The following PCLO variants were observed in gnomAD, a reference collection of about 807,000 sequenced individuals.
The protein encoded by PCLO is protein piccolo.
Under a neutral mutation model 427.5 loss-of-function variants are expected in PCLO, and 82 were observed. The ratio of observed to expected loss-of-function variants is 0.19; its 90% CI spans 0.16 to 0.23. The LOEUF (loss-of-function observed/expected upper bound fraction) is 0.23. PCLO is among the 10% of genes least tolerant of loss of function. The probability of loss-of-function intolerance (pLI) is 1.00; values close to 1 mark genes in which losing one functional copy is unlikely to be tolerated. For synonymous variants in PCLO, 2,357 were observed against 2,155.4 expected (o/e 1.09, Z -2.59); for missense variants, 6,239 against 6,115.9 (o/e 1.02, Z -0.67).
chr7:82,924,276 G>A (rs1794662408), intron 6 of PCLO, among the ~76,000 whole-genome samples: 1 of 151,982 alleles, frequency 6.6e-6, no homozygotes, highest in Admixed American at 6.6e-5. Flanking sequence ...ATAAGGATAG[G>A]AATGTACCTG....
intron 10 of PCLO, among the ~76,000 whole-genome samples, chr7:82,860,633 G>A (rs771606967): frequency 6.6e-5 from 10 of 152,020 alleles, no homozygotes; most frequent in Admixed American, 3.9e-4. Flanking sequence ...AAATTCATTG[G>A]TAATAGTATG....
chr7:82,895,972 G>A (rs1793894356), intron 9 of PCLO, among the ~76,000 whole-genome samples: 1 of 151,822 alleles, frequency 6.6e-6, no homozygotes, highest in African/African-American at 2.4e-5. Context: ...TCAGTATTAT[G>A]AGATTACTCA....
chr7:83,070,411 C>T (rs1261385351), intron 3 of PCLO, among the ~76,000 whole-genome samples: 1 of 147,904 alleles, frequency 6.8e-6, no homozygotes, highest in East Asian at 2.0e-4. Flanking sequence ...TTTTGGAGAC[C>T]AAGTCTCGCT....
rs1428772832 is a variant in PCLO at position 83,016,625 on chromosome 7, G to A, written c.3301-50138C>T. Among the ~76,000 whole-genome samples the A allele has an allele frequency of 2.0e-5, 3 of 152,118 alleles. No individual in the cohort carries two copies. In the East Asian group the frequency reaches 5.8e-4, roughly 29 times the overall value. ...AAATAGGTCTACTATAGAGAGCCCTGTATGCTAGGCTCATGAATATAGAAG... is the reference window on the plus strand; with the variant it reads ...AAATAGGTCTACTATAGAGAGCCCTATATGCTAGGCTCATGAATATAGAAG... On this transcript the variant is annotated intron_variant, in intron 3 of 24. Transcript: ENST00000333891.
rs770209848 is a variant in PCLO, at chr7:82,965,970, T to G, written c.3818A>C (p.Glu1273Ala). Reference protein sequence around the residue: ...DLLKSQVQIAEEKLEGRVAPK... With the variant: ...DLLKSQVQIAAEKLEGRVAPK... ...AGCCACTCTGCCTTCAAGCTTTTCTTCAGCAATTTGTACTTGAGATTTAAG... is the reference window on the plus strand; with the variant it reads ...AGCCACTCTGCCTTCAAGCTTTTCTGCAGCAATTTGTACTTGAGATTTAAG... Residue 1273 changes from glutamate (E) to alanine (A), a missense_variant, in exon 4 of 25, where the codon GAA (glutamate) becomes GCA (alanine). By Grantham distance (107) the Glu-to-Ala change is moderately radical (BLOSUM62 -1). Transcript: ENST00000333891. 1.7e-5 allele frequency: 27 copies of G among 1,613,790 alleles called. No homozygotes were observed. In the South Asian group the frequency reaches 3.0e-4, roughly 18 times the overall value.
intron 3 of PCLO, among the ~76,000 whole-genome samples, chr7:82,978,235 G>T (rs1353296041): frequency 6.7e-6 from 1 of 150,248 alleles, no homozygotes; most frequent in Non-Finnish European, 1.5e-5. Context: ...TCTTCACCAG[G>T]AAAGTTTTAA....
At chr7:83,047,741 C>T (rs1376409452) in intron 3 of PCLO, among the ~76,000 whole-genome samples, 2 of 152,128 alleles carry the variant, frequency 1.3e-5, no homozygotes, top group Middle Eastern at 3.4e-3. Flanking sequence ...TCACTCCTTA[C>T]AGATATGAAA....
chr7:82,812,183 G>T (rs960362367), intron 20 of PCLO, among the ~76,000 whole-genome samples: 7 of 151,352 alleles, frequency 4.6e-5, no homozygotes, highest in Non-Finnish European at 1.0e-4. Flanking sequence ...AATTCTTAAT[G>T]ACATCTTAAT....
intron 9 of PCLO, among the ~76,000 whole-genome samples, chr7:82,896,647 A>G (rs1793911250): frequency 6.6e-6 from 1 of 151,288 alleles, no homozygotes; most frequent in African/African-American, 2.4e-5. Flanking sequence ...TATGTAAGTT[A>G]TATCCAAGAA....
In PCLO at chr7:83,155,838, T is replaced by A. The variant is rs749973669; in HGVS notation, c.803A>T (p.Asp268Val). Residue 268 changes from aspartate to valine, a missense_variant, in exon 2 of 25, where the codon GAC becomes GTC. By Grantham distance (152) the Asp-to-Val change is radical (BLOSUM62 -3). Transcript: ENST00000333891. ...IQGPTQTPQTDHAKLPLQRDA... is the reference protein window; with the variant it reads ...IQGPTQTPQTVHAKLPLQRDA... ...TCGTTGAAGTGGCAATTTTGCATGG[T>A]CTGTCTGAGGAGTCTGGGTAGGACC... 2 of 1,613,942 alleles carry A rather than the reference T, an allele frequency of 1.2e-6. No homozygotes were observed.
chr7:82,896,035 C>T (rs930082523), intron 9 of PCLO, among the ~76,000 whole-genome samples: 2 of 151,950 alleles, frequency 1.3e-5, no homozygotes, highest in South Asian at 4.1e-4. Flanking sequence ...TGAATATCCA[C>T]AAACAATTAC....
chr7:82,859,475 A>G (rs1792899725), intron 10 of PCLO, among the ~76,000 whole-genome samples: 1 of 152,208 alleles, frequency 6.6e-6, no homozygotes, highest in Non-Finnish European at 1.5e-5. Flanking sequence ...TAATCCAGAG[A>G]ATTCTCCCAG....
At chr7:83,080,565 G>A (rs1256721618) in intron 3 of PCLO, among the ~76,000 whole-genome samples, 1 of 152,018 alleles carries the variant, frequency 6.6e-6, no homozygotes, top group Non-Finnish European at 1.5e-5. Context: ...TCATTTTAAA[G>A]TCCATTTCCG....
chr7:83,162,696 G>C lies in PCLO; in HGVS notation c.-104C>G. ...TCAGAGCCGGGGTCCGCCTCGGGGC[G>C]TGCAGGCAGCCGAGTCCCTGGACTC... On this transcript the variant is annotated 5_prime_UTR_variant, in exon 1 of 25. Transcript: ENST00000333891. The C allele has an allele frequency of 7.2e-7, 1 of 1,392,396 alleles. No homozygotes were observed. The allele number at this position is 1,392,396 out of a possible 1,614,324, so 86.3% of individuals were successfully genotyped here. A position where few individuals can be genotyped will look rare whatever the true frequency, so the allele number is the denominator to read the frequency against.
intron 10 of PCLO, among the ~76,000 whole-genome samples, chr7:82,857,286 G>C (rs1444112968): frequency 6.6e-6 from 1 of 152,080 alleles, no homozygotes; most frequent in Non-Finnish European, 1.5e-5. Flanking sequence ...TAGGAAGCTA[G>C]GGTAGTTGAT....
intron 22 of PCLO, among the ~76,000 whole-genome samples, chr7:82,797,639 A>C (rs973526303): frequency 1.3e-5 from 2 of 152,164 alleles, no homozygotes; most frequent in African/African-American, 4.8e-5. Flanking sequence ...AAGGATGTTA[A>C]CTGTATGCCA....
At chr7:82,923,321 G>A (rs1266532139) in intron 6 of PCLO, among the ~76,000 whole-genome samples, 2 of 151,984 alleles carry the variant, frequency 1.3e-5, no homozygotes, top group African/African-American at 4.8e-5. Context: ...CTTAATTCCT[G>A]TGAGATGGAA....
Position 83,154,856 on chromosome 7 carries a change from A to G in PCLO, c.1785T>C (p.Thr595=). ...PKTICPLCNT[T]ELLLHVPEKA... ...TTTCTGGAACATGCAACAGAAGTTC[A>G]GTGGTATTGCAAAGAGGACAGATGG... Residue 595 remains threonine (T), a synonymous_variant, in exon 2 of 25, where the codon ACT becomes ACC. Coordinates refer to ENST00000333891, the MANE Select transcript of PCLO (RefSeq NM_033026.6). The G allele has an allele frequency of 1.2e-6, 2 of 1,614,008 alleles. No individual in the cohort carries two copies. The highest frequency in any genetic ancestry group is 1.7e-6 in the Non-Finnish European group (2 of 1,179,854).
chr7:83,121,190 T>A (rs1791268661), intron 3 of PCLO, among the ~76,000 whole-genome samples: 1 of 151,936 alleles, frequency 6.6e-6, no homozygotes, highest in South Asian at 2.1e-4. Context: ...TAAAAAGATA[T>A]AAATAGAAAC....
Sources: gnomAD v4.1 joint callset for allele counts (sites outside exome capture counted in the v4.1 genomes callset) on GRCh38, gnomAD v4.1.1 for gene constraint, MANE v1.5 for transcripts, NCBI Gene and HGNC (gene_info 2026-07-23, HGNC 2026-07-21) for gene names.